The following SFTPD variants were observed in gnomAD, a reference collection of about 807,000 sequenced individuals.
The protein encoded by SFTPD is pulmonary surfactant-associated protein D.
A neutral mutation model predicts 34.6 loss-of-function variants in SFTPD; 18 were observed. The observed-to-expected ratio is 0.52, with a 90% CI of 0.36 to 0.77. SFTPD has a LOEUF of 0.77. Ranked by LOEUF, SFTPD falls within the 30% of genes least tolerant of loss-of-function variation. The pLI is 0.00. For synonymous variants in SFTPD, 155 were observed against 180.9 expected (o/e 0.86, Z 1.15); for missense variants, 433 against 468.9 (o/e 0.92, Z 0.71).
chr10:79,941,318 T>C, intron 6 of SFTPD, 80 bp downstream of exon 6: 1 of 1,215,292 alleles, frequency 8.2e-7, no homozygotes, highest in South Asian at 1.2e-5. Flanking sequence ...CCAGAGCCCC[T>C]CCTCTGGGAT....
intron 1 of SFTPD, among the ~76,000 whole-genome samples, chr10:79,958,695 G>C (rs202185196): frequency 3.8e-4 from 58 of 152,110 alleles, no homozygotes; most frequent in African/African-American, 1.3e-3. Flanking sequence ...AATAATAATG[G>C]GAGACTTTAA....
intron 2 of SFTPD, 89 bp from the exon 3 acceptor site, chr10:79,942,968 G>A: frequency 1.2e-6 from 1 of 810,586 alleles, no homozygotes; most frequent in Non-Finnish European, 2.1e-6. Context: ...CATTCCTTTA[G>A]GATTCTGCAG....
rs1262008997 is a variant in SFTPD at position 79,946,509 on chromosome 10, C to T, written c.151G>A (p.Asp51Asn). 8 of 1,614,186 alleles carry T rather than the reference C, an allele frequency of 5.0e-6. No homozygotes were observed. The highest frequency in any genetic ancestry group is 4.5e-5 in the East Asian group (2 of 44,874). The change falls in exon 2 of 8, where the codon GAT becomes AAT. Residue 51 changes from aspartate (D) to asparagine (N), a missense_variant. Transcript: ENST00000372292. ...SSVESGLPGR[D>N]GRDGREGPRG... ...GGGCCCTCTCTCCCATCCCGTCCAT[C>T]GCGACCAGGCAGGCCACTCTCCACT...
chr10:79,967,872 C>T (rs1252147920), intron 1 of SFTPD, among the ~76,000 whole-genome samples: 3 of 152,014 alleles, frequency 2.0e-5, no homozygotes, highest in East Asian at 1.9e-4. Context: ...TTGTGACCCC[C>T]GCCCCTGCCT....
intron 1 of SFTPD, among the ~76,000 whole-genome samples, chr10:79,947,824 G>A (rs1842680724): frequency 6.6e-6 from 1 of 152,240 alleles, no homozygotes; most frequent in Non-Finnish European, 1.5e-5. Context: ...GTCAGGAACT[G>A]AGACCAGGAT....
Position 79,979,394 on chromosome 10 carries a change from A to T in SFTPD, c.36+3181T>A, listed in dbSNP as rs577081240. On this transcript the variant is annotated intron_variant, in intron 1 of 5. Coordinates refer to the SFTPD transcript ENST00000444384. ...TCACAGTACATGGTTTTAACGTCAT[A>T]TCAAGGACAGAGGCAGTGAAGAGGG... Among the ~76,000 whole-genome samples, 5 of 152,344 alleles carry T rather than the reference A, an allele frequency of 3.3e-5. No homozygotes were observed. In the East Asian group the frequency reaches 7.7e-4, roughly 23 times the overall value.
At chr10:79,957,552 G>A (rs1045407574) in intron 1 of SFTPD, among the ~76,000 whole-genome samples, 3 of 152,200 alleles carry the variant, frequency 2.0e-5, no homozygotes, top group African/African-American at 7.2e-5. Flanking sequence ...GGGTATCAGT[G>A]ATGGAAGATG....
chr10:79,941,267 C>T, intron 6 of SFTPD, 131 bp downstream of exon 6: 2 of 798,234 alleles, frequency 2.5e-6, no homozygotes, highest in Non-Finnish European at 4.1e-6. Flanking sequence ...TCCGCCTTTC[C>T]TGAGTTCCAC....
At chr10:79,962,644 T>A (rs1482111505) in intron 1 of SFTPD, among the ~76,000 whole-genome samples, 1 of 152,168 alleles carries the variant, frequency 6.6e-6, no homozygotes, top group Non-Finnish European at 1.5e-5. Context: ...CTCTTTACAT[T>A]CACTTGTCTA....
At chr10:79,947,960 T>C (rs1219932721) in intron 1 of SFTPD, among the ~76,000 whole-genome samples, 1 of 152,336 alleles carries the variant, frequency 6.6e-6, no homozygotes, top group South Asian at 2.1e-4. Context: ...GAGGGACTTG[T>C]GCAAAGAAAG....
chr10:79,980,618 G>A (rs748259358), intron 1 of SFTPD, among the ~76,000 whole-genome samples: 1 of 152,198 alleles, frequency 6.6e-6, no homozygotes, highest in Non-Finnish European at 1.5e-5. Context: ...ACCTCAGCAT[G>A]GAGAGAAAGA....
chr10:79,949,371 T>A (rs947146676), upstream of SFTPD, among the ~76,000 whole-genome samples: 1 of 152,212 alleles, frequency 6.6e-6, no homozygotes, highest in Non-Finnish European at 1.5e-5. Context: ...CATCAGTGTC[T>A]GTATTTTATA....
intron 1 of SFTPD, among the ~76,000 whole-genome samples, chr10:79,974,833 TAAAC>T (rs530036595): frequency 2.0e-4 from 30 of 152,352 alleles, no homozygotes; most frequent in Non-Finnish European, 3.7e-4. Context: ...CTAGAGGAAT[TAAAC>T]ATACACACAC....
rs1054222223 is a variant in SFTPD at position 79,942,024 on chromosome 10, G to A, written c.480C>T (p.Gly160=). ...CTCGCTCTCCCTTAGGGCCTGCGAG[G>A]CCTCTTGCCCCTGCCGAGCCCTGCA... ...PGMQGSAGAR[G]LAGPKGERGV... The change falls in exon 5 of 8, where the codon GGC becomes GGT. Residue 160 remains glycine (G), a synonymous_variant. Coordinates refer to ENST00000372292, the MANE Select transcript of SFTPD (RefSeq NM_003019.5). 3 of 1,613,874 alleles carry A rather than the reference G, an allele frequency of 1.9e-6. No homozygotes were observed. The highest frequency in any genetic ancestry group is 1.3e-5 in the African/African-American group (1 of 74,946).
chr10:79,982,154 G>T, intron 1 of SFTPD: 1 of 390,018 alleles, frequency 2.6e-6, no homozygotes, highest in Non-Finnish European at 4.3e-6. Context: ...CGCCTGGCGG[G>T]GCAGGGCGGA....
chr10:79,951,064 CT>C (rs1842707250), upstream of SFTPD: 1 of 151,856 alleles, frequency 6.6e-6, no homozygotes, highest in Non-Finnish European at 1.5e-5. Flanking sequence ...ATCTCTATCT[CT>C]TTTGTAAATT....
At chr10:79,982,232 G>A in intron 1 of SFTPD, 1 of 728,150 alleles carries the variant, frequency 1.4e-6, no homozygotes, top group Non-Finnish European at 1.9e-6. Flanking sequence ...CAGTAGCAAC[G>A]GAGGAGCCAA....
intron 1 of SFTPD, among the ~76,000 whole-genome samples, chr10:79,976,184 C>T (rs1298289538): frequency 6.6e-6 from 1 of 152,128 alleles, no homozygotes; most frequent in Non-Finnish European, 1.5e-5. Context: ...AAGTGATGGC[C>T]TTTGGTTCTG....
At chr10:79,961,029 A>C (rs569204594) in intron 1 of SFTPD, among the ~76,000 whole-genome samples, 1 of 152,356 alleles carries the variant, frequency 6.6e-6, no homozygotes, top group South Asian at 2.1e-4. Flanking sequence ...AAACCTGACA[A>C]AAACAAGCAA....
Sources: allele counts gnomAD v4.1 joint callset (sites outside exome capture counted in the v4.1 genomes callset), GRCh38; gene constraint gnomAD v4.1.1; transcripts MANE v1.5; gene names NCBI Gene and HGNC (gene_info 2026-07-23, HGNC 2026-07-21).